GNB4: variants seen among roughly 807,000 people sequenced by gnomAD.
The protein encoded by GNB4 is G protein subunit beta 4, also known as guanine nucleotide-binding protein subunit beta-4.
In GNB4, 28 loss-of-function variants were observed where a neutral mutation model predicts 45.2. The observed-to-expected ratio is 0.62, with a 90% CI of 0.46 to 0.85. The LOEUF is 0.85. Among genes scored for constraint, GNB4 ranks in the 40% least tolerant of loss-of-function variants. The pLI, the probability that GNB4 is intolerant of heterozygous loss-of-function variation, is 0.00. For synonymous variants in GNB4, 132 were observed against 143.7 expected (o/e 0.92, Z 0.58); for missense variants, 321 against 425.4 (o/e 0.75, Z 2.16).
intron 4 of GNB4, 125 bp from the exon 5 acceptor site, chr3:179,416,681 C>T: frequency 2.0e-6 from 1 of 501,312 alleles, no homozygotes; most frequent in Non-Finnish European, 3.5e-6. Flanking sequence ...AACTTGATAC[C>T]AAAAAATGTT....
intron 1 of GNB4, among the ~76,000 whole-genome samples, chr3:179,428,010 T>C (rs562135524): frequency 9.8e-5 from 15 of 152,350 alleles, no homozygotes; most frequent in African/African-American, 2.6e-4. Flanking sequence ...CTATAAAAGA[T>C]TGATTCCCCT....
intron 1 of GNB4, among the ~76,000 whole-genome samples, chr3:179,432,956 T>C (rs1420758075): frequency 6.6e-6 from 1 of 152,162 alleles, no homozygotes; most frequent in African/African-American, 2.4e-5. Context: ...CACCCACTAC[T>C]GAAGAAATCC....
chr3:179,417,510 T>G (rs1454890127), intron 4 of GNB4, among the ~76,000 whole-genome samples: 2 of 151,602 alleles, frequency 1.3e-5, no homozygotes, highest in Non-Finnish European at 1.5e-5. Context: ...CAGGTTCAAG[T>G]GATTCTCCTG....
At chr3:179,461,299 C>A in the GNB4 span, among the ~76,000 whole-genome samples, 1 of 152,052 alleles carries the variant, frequency 6.6e-6, no homozygotes, top group South Asian at 2.1e-4. Context: ...AGATCGAGAC[C>A]ATCCTGGCTA....
At chr3:179,415,852 C>CA (rs1405737049) in intron 5 of GNB4, among the ~76,000 whole-genome samples, 2 of 152,070 alleles carry the variant, frequency 1.3e-5, no homozygotes, top group Non-Finnish European at 2.9e-5. Context: ...TTTAAAATCT[C>CA]AATCAGGTTG....
chr3:179,502,404 T>C, the GNB4 span, among the ~76,000 whole-genome samples: 2 of 151,944 alleles, frequency 1.3e-5, no homozygotes, highest in Admixed American at 6.6e-5. Context: ...TGGCTAATTT[T>C]TGTATTTTAG....
the GNB4 span, among the ~76,000 whole-genome samples, chr3:179,492,763 G>T: frequency 6.6e-6 from 1 of 151,788 alleles, no homozygotes; most frequent in African/African-American, 2.4e-5. Context: ...CTGCCTATGT[G>T]CCTGCATGCC....
intron 1 of GNB4, among the ~76,000 whole-genome samples, chr3:179,449,199 G>A (rs1200135336): frequency 6.6e-6 from 1 of 152,168 alleles, no homozygotes; most frequent in Admixed American, 6.5e-5. Context: ...TATCTCTAGA[G>A]AACCCACATT....
the GNB4 span, among the ~76,000 whole-genome samples, chr3:179,514,644 C>T: frequency 2.0e-5 from 3 of 152,118 alleles, no homozygotes; most frequent in South Asian, 2.1e-4. Flanking sequence ...GTGTCCTATA[C>T]GAAGAAGAAG....
the GNB4 span, among the ~76,000 whole-genome samples, chr3:179,494,205 G>T: frequency 1.0e-3 from 158 of 151,464 alleles, 1 homozygote; most frequent in Non-Finnish European, 4.9e-4. Flanking sequence ...AGTGTAACAA[G>T]CATACAATAA....
chr3:179,456,147 C>T (rs936862294), upstream of GNB4, among the ~76,000 whole-genome samples: 14 of 146,774 alleles, frequency 9.5e-5, no homozygotes, highest in East Asian at 1.4e-3. Context: ...GATCTCGCTC[C>T]GTCACTGAGG....
At chr3:179,426,056 T>C (rs1375173080) in intron 2 of GNB4, 88 bp downstream of exon 2, 4 of 984,906 alleles carry the variant, frequency 4.1e-6, no homozygotes, top group African/African-American at 3.3e-5. Context: ...TTAGAAATCA[T>C]TTAATATAGA....
chr3:179,405,147 C>T (rs750670124), intron 9 of GNB4, 43 bp downstream of exon 9: 10 of 1,489,952 alleles, frequency 6.7e-6, no homozygotes, highest in South Asian at 2.4e-5. Flanking sequence ...AACCTCTTCA[C>T]GCTTCCTGAA....
upstream of GNB4, among the ~76,000 whole-genome samples, chr3:179,453,955 C>G (rs904990099): frequency 1.3e-5 from 2 of 151,918 alleles, no homozygotes; most frequent in African/African-American, 4.8e-5. Flanking sequence ...CATAAGAGCA[C>G]ACTAATGCAT....
chr3:179,478,690 G>A, the GNB4 span, among the ~76,000 whole-genome samples: 6 of 152,052 alleles, frequency 3.9e-5, no homozygotes, highest in Admixed American at 1.3e-4. Flanking sequence ...GACTACAGAT[G>A]TGCACCACCA....
chr3:179,439,116 G>A (rs1715532923), intron 1 of GNB4, among the ~76,000 whole-genome samples: 1 of 152,146 alleles, frequency 6.6e-6, no homozygotes, highest in Admixed American at 6.5e-5. Context: ...CTTGAGGGTA[G>A]AGCCCAGCAA....
chr3:179,453,506 T>C (rs548220940), upstream of GNB4, among the ~76,000 whole-genome samples: 27 of 152,352 alleles, frequency 1.8e-4, no homozygotes, highest in Admixed American at 1.4e-3. Context: ...GAGCTGGTTG[T>C]TGGGTTAAGA....
chr3:179,422,738 C>T (rs1052628072), intron 2 of GNB4, among the ~76,000 whole-genome samples: 6 of 152,126 alleles, frequency 3.9e-5, no homozygotes, highest in Non-Finnish European at 5.9e-5. Flanking sequence ...CATGTATTTA[C>T]ACTATAGTAA....
At chr3:179,498,131 G>A in the GNB4 span, among the ~76,000 whole-genome samples, 9 of 152,330 alleles carry the variant, frequency 5.9e-5, 1 homozygote, top group South Asian at 1.7e-3. Flanking sequence ...GCTAACTTGT[G>A]TAAACAACCT....
Sources: gnomAD v4.1 joint callset for allele counts (sites outside exome capture counted in the v4.1 genomes callset) on GRCh38, gnomAD v4.1.1 for gene constraint, MANE v1.5 for transcripts, NCBI Gene and HGNC (gene_info 2026-07-23, HGNC 2026-07-21) for gene names.